The following ACADVL variants were observed in gnomAD, a reference collection of about 807,000 sequenced individuals.
ACADVL encodes the protein acyl-CoA dehydrogenase very long chain, also known as very long-chain acyl-CoA dehydrogenase, mitochondrial.
A neutral mutation model predicts 80.4 loss-of-function variants in ACADVL; 73 were observed. That is an observed-to-expected ratio of 0.91 (90% CI 0.75 to 1.10). The LOEUF (loss-of-function observed/expected upper bound fraction) is 1.10, where lower values mean the gene tolerates loss of function less well. Among genes scored for constraint, ACADVL ranks in the 50% least tolerant of loss-of-function variants. The probability of loss-of-function intolerance (pLI) is 0.00; values close to 1 mark genes in which losing one functional copy is unlikely to be tolerated. For synonymous variants in ACADVL, 392 were observed against 326.5 expected, an observed-to-expected ratio of 1.20 and a Z score of -2.16; for missense variants, 878 against 858.9, an observed-to-expected ratio of 1.02 and a Z score of -0.28.
chr17:7,222,586 C>T lies in ACADVL; in HGVS notation c.879-81C>T, dbSNP rs116038940. The stretch of plus-strand genomic sequence containing the variant: ...TAGTGGTCGTCATTCCTCCCTGGTG[C>T]ATAAGGAGCGAAGGAGCAGTTTTTC... On this transcript the variant is annotated intron_variant, in intron 9 of 19. Coordinates refer to ENST00000356839, the MANE Select transcript of ACADVL (RefSeq NM_000018.4). 3.6e-3 allele frequency: 4,989 copies of T among 1,399,000 alleles called. 151 individuals are homozygous for T. In the African/African-American group the frequency reaches 0.062, roughly 17 times the overall value. The allele number at this position is 1,399,000 out of a possible 1,614,324, so 86.7% of individuals were successfully genotyped here. A position where few individuals can be genotyped will look rare whatever the true frequency, so the allele number is the denominator to read the frequency against.
upstream of ACADVL, among the ~76,000 whole-genome samples, chr17:7,218,005 A>G (rs910091226): frequency 1.3e-5 from 2 of 151,712 alleles, no homozygotes; most frequent in African/African-American, 4.8e-5. Context: ...CTAAAAAGTT[A>G]AGCCCTAGAC....
intron 1 of ACADVL, 24 bp downstream of exon 1, chr17:7,220,070 G>A: frequency 6.3e-7 from 1 of 1,599,504 alleles, no homozygotes; most frequent in South Asian, 1.1e-5. Context: ...AAGAGGGACG[G>A]TGGGCAGCGG....
chr17:7,223,884 C>G lies in ACADVL; in HGVS notation c.1332+9C>G. 6.2e-7 allele frequency: 1 copy of G among 1,613,914 alleles called. No homozygotes were observed. The highest frequency in any genetic ancestry group is 1.3e-5 in the African/African-American group (1 of 75,004). On this transcript the variant is annotated intron_variant, in intron 13 of 19. Transcript: ENST00000356839. ...GTATGGGCTTCATGAAGGTACAGGA[C>G]GGTCTTCTGCAGAGCCTCGGCTGGG...
chr17:7,218,171 T>C (rs2142948629), upstream of ACADVL: 1 of 1,365,776 alleles, frequency 7.3e-7, no homozygotes, highest in Non-Finnish European at 1.0e-6. Context: ...GTAATATTAG[T>C]GATATTTGGC....
At chr17:7,217,617 G>T (rs2070990775), upstream of ACADVL, 2 of 1,370,370 alleles carry the variant, frequency 1.5e-6, no homozygotes, top group East Asian at 2.8e-5. Context: ...GAGGGAAGGG[G>T]AGAGAGGAGG....
upstream of ACADVL, chr17:7,217,582 C>A: frequency 7.5e-7 from 1 of 1,336,210 alleles, no homozygotes; most frequent in Non-Finnish European, 9.6e-7. Context: ...GAAACGGCAG[C>A]GGCCGAGGGA....
chr17:7,224,966 C>T lies in ACADVL; in HGVS notation c.1837C>T (p.Arg613Trp), dbSNP rs118204014. ...CDTWCIEAAA[R>W]IREGMAALQS... is the part of the protein sequence containing the mutation. ...CCTTCCCTCTCCCCAGGCTGCAGCT[C>T]GGATCCGAGAGGGCATGGCCGCCCT... The change falls in exon 20 of 20, where the codon CGG becomes TGG. Residue 613 changes from arginine (R) to tryptophan (W), a missense_variant. Transcript: ENST00000356839. 2.7e-5 allele frequency: 43 copies of T among 1,613,950 alleles called. No homozygotes were observed. Among genetic ancestry groups the T allele is most frequent in the Non-Finnish European group, 3.4e-5 (40 of 1,180,036 alleles).
At chr17:7,219,913 C>CCAGAACGTGGGCGTG, upstream of ACADVL, 1 of 677,066 alleles carries the variant, frequency 1.5e-6, no homozygotes, top group Non-Finnish European at 2.1e-6. Context: ...GTTAGGGGCG[C>CCAGAACGTGGGCGTG]CAGGACGTGG....
At chr17:7,218,069 T>A (rs1010863467), upstream of ACADVL, among the ~76,000 whole-genome samples, 1 of 150,310 alleles carries the variant, frequency 6.7e-6, no homozygotes, top group Non-Finnish European at 1.5e-5. Context: ...AAAGGGAGAG[T>A]GGGTACAGGA....
upstream of ACADVL, chr17:7,217,922 C>G: frequency 8.8e-7 from 1 of 1,137,202 alleles, no homozygotes; most frequent in South Asian, 1.4e-5. Flanking sequence ...GGTAGGGGGT[C>G]GGGTGTGAGG....
chr17:7,223,827 G>A lies in ACADVL; in HGVS notation c.1284G>A (p.Lys428=), dbSNP rs35501596. ...TTTGTCCCTAGGAGGCAGCCTGGAA[G>A]GTGACAGATGAATGCATCCAAATCA... The part of the protein sequence containing the change: ...SKIFGSEAAW[K]VTDECIQIMG... The change falls in exon 13 of 20, where the codon AAG becomes AAA. Residue 428 remains lysine, a synonymous_variant. Coordinates refer to ENST00000356839, the MANE Select transcript of ACADVL (RefSeq NM_000018.4). 9.2e-4 allele frequency: 1,484 copies of A among 1,614,162 alleles called. 5 individuals are homozygous for A. In the Middle Eastern group the frequency reaches 0.013, roughly 14 times the overall value.
In ACADVL at chr17:7,224,812, C is replaced by T. The variant is rs886038215; in HGVS notation, c.1755C>T (p.Ala585=). 2 of 1,614,054 alleles carry T rather than the reference C, an allele frequency of 1.2e-6. No homozygotes were observed. The highest frequency in any genetic ancestry group is 1.3e-5 in the African/African-American group (1 of 75,052). ...TTCATCTCCTGCTTCCTGCCAGGGCCTCAAGATCCCTGAGTGAGGGCCACC... is the reference window on the plus strand; with the variant it reads ...TTCATCTCCTGCTTCCTGCCAGGGCTTCAAGATCCCTGAGTGAGGGCCACC... The part of the protein sequence containing the change: ...LYAMVVVLSR[A]SRSLSEGHPT... The change falls in exon 19 of 20, where the codon GCC becomes GCT. Residue 585 remains alanine (A), a synonymous_variant. Transcript: ENST00000356839.
Position 7,222,163 on chromosome 17 carries a change from C to T in ACADVL, c.753-14C>T. 1 of 1,614,176 alleles carries T rather than the reference C, an allele frequency of 6.2e-7. No individual in the cohort carries two copies. ...CCCCGTCCTCCACGCCCTGAATATC[C>T]CATTCTTCCACAGTAATGGGGGCCT... On this transcript the variant is annotated splice_polypyrimidine_tract_variant and intron_variant, in intron 8 of 19. Transcript: ENST00000356839.
chr17:7,222,979 C>A, intron 10 of ACADVL, 114 bp downstream of exon 10: 2 of 1,461,610 alleles, frequency 1.4e-6, no homozygotes. Flanking sequence ...CCTCCCCTAC[C>A]AGCAGCCCGA....
rs1221825315 is a variant in ACADVL at position 7,220,776 on chromosome 17, A to G, written c.288A>G (p.Glu96=). 6.2e-7 allele frequency: 1 copy of G among 1,614,022 alleles called. No homozygotes were observed. The highest frequency in any genetic ancestry group is 2.2e-5 in the East Asian group (1 of 44,900). ...QVFPYPSVLN[E]EQTQFLKELV... is the part of the protein sequence containing the mutation. ...CCCCACCCTCTGCAGTGCTCAACGA[A>G]GAGCAGACACAGTTTCTTAAAGAGC... Residue 96 remains glutamate (E), a synonymous_variant, in exon 5 of 20, where the codon GAA becomes GAG. Coordinates refer to ENST00000356839, the MANE Select transcript of ACADVL (RefSeq NM_000018.4).
Position 7,221,598 on chromosome 17 carries a change from G to A in ACADVL, c.538G>A (p.Ala180Thr), listed in dbSNP as rs727503791. 25 of 1,613,962 alleles carry A rather than the reference G, an allele frequency of 1.5e-5. No homozygotes were observed. The highest frequency in any genetic ancestry group is 4.5e-5 in the East Asian group (2 of 44,888). ...CCTTGGCGTGGGCATTACCCTGGGG[G>A]CCCATCAGAGCATCGGTTTCAAAGG... ...HDLGVGITLG[A>T]HQSIGFKGIL... The change falls in exon 7 of 20, where the codon GCC (alanine) becomes ACC (threonine). Residue 180 changes from alanine to threonine, a missense_variant. Coordinates refer to ENST00000356839, the MANE Select transcript of ACADVL (RefSeq NM_000018.4).
At position 7,220,038 on chromosome 17, in the gene ACADVL, G is replaced by C. The variant is rs759918601; in HGVS notation, c.54G>C (p.Gly18=). 6.2e-7 allele frequency: 1 copy of C among 1,604,386 alleles called. No homozygotes were observed. The highest frequency in any genetic ancestry group is 8.5e-7 in the Non-Finnish European group (1 of 1,178,874). Residue 18 remains glycine (G), a synonymous_variant, in exon 1 of 20, where the codon GGG becomes GGC. Coordinates refer to ENST00000356839, the MANE Select transcript of ACADVL (RefSeq NM_000018.4). The part of the protein sequence containing the change: ...ASLGRQLLRL[G]GGSSRLTALL... The stretch of plus-strand genomic sequence containing the variant: ...TGGGGCGGCAGCTGCTGAGGCTCGG[G>C]GGCGGAAGGTCTGTGTGTGACAAGA...
chr17:7,222,698 G>A lies in ACADVL; in HGVS notation c.910G>A (p.Ala304Thr). Reference protein sequence around the residue: ...GPPEKKMGIKASNTAEVFFDG... With the variant: ...GPPEKKMGIKTSNTAEVFFDG... ...CCCTGAGAAGAAGATGGGCATCAAG[G>A]CTTCAAACACAGCAGAGGTGTTCTT... is the stretch of plus-strand genomic sequence containing the variant. Residue 304 changes from alanine to threonine, a missense_variant, in exon 10 of 20, where the codon GCT becomes ACT. Coordinates refer to ENST00000356839, the MANE Select transcript of ACADVL (RefSeq NM_000018.4). 3 of 1,614,086 alleles carry A rather than the reference G, an allele frequency of 1.9e-6. No homozygotes were observed. The highest frequency in any genetic ancestry group is 2.5e-6 in the Non-Finnish European group (3 of 1,179,996).
At chr17:7,217,919 G>T (rs1215877320), upstream of ACADVL, 3 of 1,178,516 alleles carry the variant, frequency 2.5e-6, no homozygotes, top group Non-Finnish European at 3.6e-6. Flanking sequence ...GGCGGTAGGG[G>T]GTCGGGTGTG....
Sources: gnomAD v4.1 joint callset for allele counts (sites outside exome capture counted in the v4.1 genomes callset) on GRCh38, gnomAD v4.1.1 for gene constraint, MANE v1.5 for transcripts, NCBI Gene and HGNC (gene_info 2026-07-23, HGNC 2026-07-21) for gene names.